DAB1: variants seen among roughly 807,000 people sequenced by gnomAD.
The protein encoded by DAB1 is DAB adaptor protein 1.
A neutral mutation model predicts 64.6 loss-of-function variants in DAB1; 15 were observed. The ratio of observed to expected loss-of-function variants is 0.23; its 90% CI spans 0.16 to 0.36. The LOEUF (loss-of-function observed/expected upper bound fraction) is 0.36. DAB1 is among the 10% of genes least tolerant of loss of function. DAB1 has a pLI of 1.00. For synonymous variants in DAB1, 235 were observed against 251.9 expected (o/e 0.93, Z 0.64); for missense variants, 596 against 706.7 (o/e 0.84, Z 1.78).
chr1:58,344,406 A>G (rs1464131559), intron 3 of DAB1, among the ~76,000 whole-genome samples: 1 of 152,154 alleles, frequency 6.6e-6, no homozygotes, highest in Non-Finnish European at 1.5e-5. Flanking sequence ...CCAGGGACAT[A>G]ATTGGTATAA....
chr1:57,483,198 G>A (rs1314447977), intron 7 of DAB1, among the ~76,000 whole-genome samples: 1 of 152,048 alleles, frequency 6.6e-6, no homozygotes, highest in African/African-American at 2.4e-5. Flanking sequence ...TTTTTATAAT[G>A]AAAAAGAATA....
intron 4 of DAB1, among the ~76,000 whole-genome samples, chr1:58,323,257 T>C (rs961328387): frequency 1.3e-5 from 2 of 151,056 alleles, no homozygotes; most frequent in African/African-American, 4.9e-5. Flanking sequence ...ATAATAATAA[T>C]AATAATAATA....
intron 2 of DAB1, among the ~76,000 whole-genome samples, chr1:58,513,830 AT>A (rs1438356504): frequency 6.6e-6 from 1 of 152,208 alleles, no homozygotes; most frequent in Non-Finnish European, 1.5e-5. Flanking sequence ...CACTTTACAG[AT>A]TAGATGAAGA....
intron 5 of DAB1, among the ~76,000 whole-genome samples, chr1:57,897,563 G>A (rs1039302272): frequency 6.6e-6 from 1 of 152,086 alleles, no homozygotes. Flanking sequence ...ATATTTTAAG[G>A]TTGGGCTGGC....
intron 7 of DAB1, among the ~76,000 whole-genome samples, chr1:57,530,268 T>C (rs1050809684): frequency 2.0e-5 from 3 of 152,228 alleles, no homozygotes; most frequent in Non-Finnish European, 4.4e-5. Flanking sequence ...AGCTTTGTTA[T>C]GTACTAAAGA....
At chr1:57,726,733 A>G (rs925056429) in intron 6 of DAB1, among the ~76,000 whole-genome samples, 4 of 152,204 alleles carry the variant, frequency 2.6e-5, no homozygotes, top group South Asian at 2.1e-4. Flanking sequence ...TTAAGCCGCA[A>G]AGAAGTTAAG....
intron 8 of DAB1, among the ~76,000 whole-genome samples, chr1:57,067,746 A>AAAAAAAATACTTGACAGTTAAATT (rs1446549386): frequency 1.3e-4 from 20 of 152,104 alleles, no homozygotes; most frequent in Non-Finnish European, 2.4e-4. Flanking sequence ...GCCCAGAGGA[A>AAAAAAAATACTTGACAGTTAAATT]AAAAAAATAC....
chr1:57,524,141 C>G (rs1644563875), intron 7 of DAB1, among the ~76,000 whole-genome samples: 1 of 151,538 alleles, frequency 6.6e-6, no homozygotes, highest in South Asian at 2.1e-4. Context: ...AAAGATCTGA[C>G]TAAATGGAGC....
chr1:58,107,287 C>T (rs1352431445), intron 5 of DAB1, among the ~76,000 whole-genome samples: 1 of 149,454 alleles, frequency 6.7e-6, no homozygotes, highest in East Asian at 2.0e-4. Flanking sequence ...GATGAAACCC[C>T]CCTCTACTAA....
At chr1:57,943,297 A>G (rs1330977796) in intron 5 of DAB1, among the ~76,000 whole-genome samples, 1 of 152,206 alleles carries the variant, frequency 6.6e-6, no homozygotes, top group Admixed American at 6.5e-5. Context: ...AGTAAACCCA[A>G]TTGCACACTC....
At chr1:57,491,830 C>A (rs967898327) in intron 7 of DAB1, among the ~76,000 whole-genome samples, 1 of 152,130 alleles carries the variant, frequency 6.6e-6, no homozygotes, top group African/African-American at 2.4e-5. Flanking sequence ...GAGCTCTTTG[C>A]AGCCCAGTTT....
At chr1:57,394,496 A>C (rs1212248938) in intron 1 of DAB1, among the ~76,000 whole-genome samples, 1 of 152,336 alleles carries the variant, frequency 6.6e-6, no homozygotes, top group East Asian at 1.9e-4. Context: ...AGAACTACAA[A>C]AGAGAATAAG....
At chr1:58,363,056 A>G (rs1342453385) in intron 3 of DAB1, among the ~76,000 whole-genome samples, 4 of 152,158 alleles carry the variant, frequency 2.6e-5, no homozygotes, top group Non-Finnish European at 1.5e-5. Context: ...GTCTCTTCTT[A>G]TAACAGCACT....
At chr1:57,164,200 G>A (rs1036249241) in intron 2 of DAB1, among the ~76,000 whole-genome samples, 3 of 152,106 alleles carry the variant, frequency 2.0e-5, no homozygotes, top group African/African-American at 7.2e-5. Flanking sequence ...TAAATTTAGT[G>A]CCAAATTTCA....
At chr1:58,437,915 G>A (rs1644963127) in intron 3 of DAB1, among the ~76,000 whole-genome samples, 1 of 152,134 alleles carries the variant, frequency 6.6e-6, no homozygotes, top group African/African-American at 2.4e-5. Flanking sequence ...TTCTGTGGGT[G>A]GGTATTTGAC....
intron 1 of DAB1, among the ~76,000 whole-genome samples, chr1:57,858,609 T>G (rs72666129): frequency 0.076 from 11,468 of 151,630 alleles, 669 homozygotes; most frequent in Admixed American, 0.21. Context: ...AGGTGCTTGT[T>G]AGGGGGTGGC....
At chr1:58,061,214 T>C (rs1199653953) in intron 5 of DAB1, among the ~76,000 whole-genome samples, 4 of 152,234 alleles carry the variant, frequency 2.6e-5, no homozygotes, top group Non-Finnish European at 5.9e-5. Flanking sequence ...GGGTGAGTTC[T>C]AGCTTTGCAA....
chr1:57,524,531 A>G (rs1644568609), intron 7 of DAB1, among the ~76,000 whole-genome samples: 1 of 152,204 alleles, frequency 6.6e-6, no homozygotes, highest in South Asian at 2.1e-4. Context: ...TAGTTCTTAC[A>G]GGTTTTGGGA....
chr1:57,555,932 A>C (rs1445211076), intron 7 of DAB1, among the ~76,000 whole-genome samples: 1 of 152,090 alleles, frequency 6.6e-6, no homozygotes, highest in East Asian at 1.9e-4. Flanking sequence ...CCAACTCCCA[A>C]TTAAGCTATT....
Sources: allele counts gnomAD v4.1 joint callset (sites outside exome capture counted in the v4.1 genomes callset), GRCh38; gene constraint gnomAD v4.1.1; transcripts MANE v1.5; gene names NCBI Gene and HGNC (gene_info 2026-07-23, HGNC 2026-07-21).